LAPTM4A: variants seen among roughly 807,000 people sequenced by gnomAD.
The protein encoded by LAPTM4A is lysosomal-associated transmembrane protein 4A.
LAPTM4A carries 19 observed loss-of-function variants against 29.9 expected under a neutral mutation model. The ratio of observed to expected loss-of-function variants is 0.64; its 90% CI spans 0.44 to 0.93. The LOEUF is 0.93. Among genes scored for constraint, LAPTM4A ranks in the 40% least tolerant of loss-of-function variants. The pLI is 0.00. For synonymous variants in LAPTM4A, 105 were observed against 102.1 expected, an observed-to-expected ratio of 1.03 and a Z score of -0.17; for missense variants, 293 against 288.5, an observed-to-expected ratio of 1.02 and a Z score of -0.11.
intron 1 of LAPTM4A, among the ~76,000 whole-genome samples, chr2:20,046,150 A>G (rs761839885): frequency 2.6e-5 from 4 of 152,138 alleles, no homozygotes; most frequent in Non-Finnish European, 5.9e-5. Flanking sequence ...CAATGAGAAC[A>G]CTTGGACACA....
At chr2:20,048,452 G>C (rs756326592) in intron 1 of LAPTM4A, among the ~76,000 whole-genome samples, 28 of 152,150 alleles carry the variant, frequency 1.8e-4, no homozygotes, top group Non-Finnish European at 3.1e-4. Context: ...ACTGGTTCTG[G>C]CTTTCTCTAT....
chr2:20,038,820 A>T (rs1673735049), intron 2 of LAPTM4A, among the ~76,000 whole-genome samples: 2 of 152,212 alleles, frequency 1.3e-5, no homozygotes, highest in Non-Finnish European at 2.9e-5. Flanking sequence ...TGCACAAAAG[A>T]TGTTTTAAAA....
intron 1 of LAPTM4A, among the ~76,000 whole-genome samples, chr2:20,044,889 G>C (rs1431501431): frequency 6.6e-6 from 1 of 152,090 alleles, no homozygotes; most frequent in East Asian, 1.9e-4. Flanking sequence ...TATTACACTG[G>C]AAAACCCATC....
At chr2:20,046,163 G>A (rs1673913885) in intron 1 of LAPTM4A, among the ~76,000 whole-genome samples, 1 of 152,074 alleles carries the variant, frequency 6.6e-6, no homozygotes, top group Non-Finnish European at 1.5e-5. Flanking sequence ...TGGACACAGG[G>A]TGGGGAACAT....
At chr2:20,043,277 C>T (rs919446545) in intron 1 of LAPTM4A, among the ~76,000 whole-genome samples, 38 of 149,302 alleles carry the variant, frequency 2.5e-4, no homozygotes, top group Non-Finnish European at 4.7e-4. Flanking sequence ...TGCAGTGGCA[C>T]GATCTCGGCT....
chr2:20,051,381 G>T, intron 1 of LAPTM4A, 29 bp downstream of exon 1: 1 of 1,462,802 alleles, frequency 6.8e-7, no homozygotes, highest in South Asian at 1.2e-5. Context: ...AGGCCCCCCG[G>T]ACATACGCGC....
chr2:20,032,923 C>A lies in LAPTM4A; in HGVS notation c.*282G>T. On this transcript the variant is annotated 3_prime_UTR_variant, in exon 7 of 7. Transcript: ENST00000175091. ...AAAAAGGAAACTATGTGGCAAGTAC[C>A]CTCTTTCCCTTCCCACCCCCCAATT... is the stretch of plus-strand genomic sequence containing the variant. The A allele has an allele frequency of 1.7e-5, 7 of 407,046 alleles. No individual in the cohort carries two copies. Among genetic ancestry groups the A allele is most frequent in the South Asian group, 8.7e-5 (2 of 23,120 alleles). 25.2% of individuals were successfully genotyped at this position (407,046 alleles called of 1,614,324 possible).
chr2:20,051,006 G>A (rs944980081), intron 1 of LAPTM4A, among the ~76,000 whole-genome samples: 1 of 152,212 alleles, frequency 6.6e-6, no homozygotes, highest in Non-Finnish European at 1.5e-5. Context: ...TTTCATTAGA[G>A]GAAAAAATTC....
intron 1 of LAPTM4A, among the ~76,000 whole-genome samples, chr2:20,042,166 T>G (rs1277502511): frequency 6.6e-6 from 1 of 152,206 alleles, no homozygotes; most frequent in Non-Finnish European, 1.5e-5. Context: ...GGTCTCACCA[T>G]ATTGCCTAGG....
rs1162115535 is a variant in LAPTM4A at position 20,041,020 on chromosome 2, G to A, written c.112-9C>T. On this transcript the variant is annotated splice_polypyrimidine_tract_variant and intron_variant, in intron 1 of 6. Coordinates refer to ENST00000175091, the MANE Select transcript of LAPTM4A (RefSeq NM_014713.5). ...ATCAATAGGTTTACTACCTGGAAAA[G>A]ATAACATTCTATCAGTTACATTAAT... 3 of 1,613,270 alleles carry A rather than the reference G, an allele frequency of 1.9e-6. No homozygotes were observed. The African/African-American group carries it at 4.0e-5, about 22-fold the overall frequency.
chr2:20,033,330 T>G, intron 6 of LAPTM4A, 51 bp from the exon 7 acceptor site: 1 of 1,408,478 alleles, frequency 7.1e-7, no homozygotes, highest in South Asian at 1.2e-5. Context: ...TTAAAATCCT[T>G]TGTGAGATAA....
chr2:20,038,367 T>A (rs1170717463), intron 2 of LAPTM4A, among the ~76,000 whole-genome samples: 1 of 152,210 alleles, frequency 6.6e-6, no homozygotes, highest in Non-Finnish European at 1.5e-5. Flanking sequence ...TTCTAAACCG[T>A]GCCTGACTTA....
rs200708195 is a variant in LAPTM4A, at chr2:20,034,448, A to G, written c.529-33T>C. ...AATAAAAACAAAGTTGACATCTGCT[A>G]GAAACTCAACAGACTACCTGCTCTA... On this transcript the variant is annotated intron_variant, in intron 5 of 6. Coordinates refer to ENST00000175091, the MANE Select transcript of LAPTM4A (RefSeq NM_014713.5). The G allele has an allele frequency of 1.3e-4, 185 of 1,409,798 alleles. 1 individual carries two copies. The African/African-American group carries it at 2.3e-3, about 17-fold the overall frequency. The allele number at this position is 1,409,798 out of a possible 1,614,324, so 87.3% of individuals were successfully genotyped here.
intron 1 of LAPTM4A, among the ~76,000 whole-genome samples, chr2:20,049,258 T>C (rs1037973112): frequency 3.3e-5 from 5 of 152,200 alleles, no homozygotes; most frequent in Admixed American, 6.5e-5. Context: ...CCAAAGCCTT[T>C]TACACTGCAG....
intron 1 of LAPTM4A, among the ~76,000 whole-genome samples, chr2:20,045,947 A>C (rs1394031224): frequency 6.6e-6 from 1 of 152,234 alleles, no homozygotes; most frequent in Non-Finnish European, 1.5e-5. Context: ...GTCAATCTAC[A>C]GAACTAAGCA....
Position 20,033,265 on chromosome 2 carries a change from G to A in LAPTM4A, c.642C>T (p.Thr214=), listed in dbSNP as rs1435020030. The change falls in exon 7 of 7, where the codon ACC becomes ACT. Residue 214 remains threonine, a synonymous_variant. Coordinates refer to ENST00000175091, the MANE Select transcript of LAPTM4A (RefSeq NM_014713.5). ...FEAPPQYVLP[T]YEMAVKMPEK... Reference sequence around the variant, plus strand: ...CAGGCATTTTCACGGCCATTTCATAGGTTGGCAAAACGTACTAAAGAGAGA... The same window carrying A: ...CAGGCATTTTCACGGCCATTTCATAAGTTGGCAAAACGTACTAAAGAGAGA... The A allele has an allele frequency of 6.2e-7, 1 of 1,613,878 alleles. No individual in the cohort carries two copies. The highest frequency in any genetic ancestry group is 8.5e-7 in the Non-Finnish European group (1 of 1,179,804).
intron 1 of LAPTM4A, among the ~76,000 whole-genome samples, chr2:20,050,802 G>C (rs925174193): frequency 3.3e-5 from 5 of 152,188 alleles, no homozygotes; most frequent in African/African-American, 1.2e-4. Context: ...GGCTGCACCA[G>C]GACAAAAGCT....
intron 1 of LAPTM4A, among the ~76,000 whole-genome samples, chr2:20,047,633 TGAGCC>T (rs1234777474): frequency 1.4e-5 from 2 of 144,338 alleles, no homozygotes; most frequent in African/African-American, 5.1e-5. Context: ...GAGCTTGCAG[TGAGCC>T]GAGATTGCGC....
At chr2:20,034,280 G>T in intron 6 of LAPTM4A, 37 bp downstream of exon 6, 1 of 1,330,094 alleles carries the variant, frequency 7.5e-7, no homozygotes, top group South Asian at 1.2e-5. Context: ...AGTCAATAGT[G>T]ACTGGTGACC....
Sources: gnomAD v4.1 joint callset for allele counts (sites outside exome capture counted in the v4.1 genomes callset) on GRCh38, gnomAD v4.1.1 for gene constraint, MANE v1.5 for transcripts, NCBI Gene and HGNC (gene_info 2026-07-23, HGNC 2026-07-21) for gene names.